Variants in ANKK1 observed in about 807,000 individuals in gnomAD.
The protein encoded by ANKK1 is ankyrin repeat and kinase domain containing 1.
ANKK1 carries 37 observed loss-of-function variants against 37.6 expected under a neutral mutation model. The ratio of observed to expected loss-of-function variants is 0.98; its 90% CI spans 0.76 to 1.29. The LOEUF (loss-of-function observed/expected upper bound fraction) is 1.29, where lower values mean the gene tolerates loss of function less well. Ranked by LOEUF, ANKK1 falls within the 50% of genes most tolerant of loss-of-function variation. The pLI, the probability that ANKK1 is intolerant of heterozygous loss-of-function variation, is 0.00. For synonymous variants in ANKK1, 415 were observed against 418.7 expected, an observed-to-expected ratio of 0.99 and a Z score of 0.11; for missense variants, 1,019 against 990.6, an observed-to-expected ratio of 1.03 and a Z score of -0.39.
rs911729833 is a variant in ANKK1, at chr11:113,389,486, T to G, written c.185+1417T>G. Among the ~76,000 whole-genome samples the G allele has an allele frequency of 3.3e-5, 5 of 152,328 alleles. No homozygotes were observed. In the South Asian group the frequency reaches 8.3e-4, roughly 25 times the overall value. On this transcript the variant is annotated intron_variant, in intron 1 of 7. Transcript: ENST00000303941. ...AACGATGAATGCAACAGATGTGTCC[T>G]TTCTCTCCGGGAGATTGCAGCCTAG...
chr11:113,389,448 A>G (rs560430939), intron 1 of ANKK1, among the ~76,000 whole-genome samples: 2 of 152,298 alleles, frequency 1.3e-5, no homozygotes, highest in African/African-American at 4.8e-5. Context: ...GCACTGTTCT[A>G]CACCCTGGGA....
chr11:113,398,332 A>G (rs1022003563), intron 7 of ANKK1, among the ~76,000 whole-genome samples: 1 of 151,744 alleles, frequency 6.6e-6, no homozygotes, highest in African/African-American at 2.4e-5. Flanking sequence ...AAAAAAAAAA[A>G]AAGCTTTGCC....
chr11:113,390,972 G>C (rs1415652831), intron 1 of ANKK1, among the ~76,000 whole-genome samples: 1 of 152,216 alleles, frequency 6.6e-6, no homozygotes, highest in African/African-American at 2.4e-5. Flanking sequence ...AAATGGGTTG[G>C]TCTAAAAATA....
At chr11:113,392,746 T>C (rs1305313983) in intron 1 of ANKK1, among the ~76,000 whole-genome samples, 1 of 152,256 alleles carries the variant, frequency 6.6e-6, no homozygotes, top group African/African-American at 2.4e-5. Flanking sequence ...GTGCAATGCA[T>C]GGCAATGCAC....
chr11:113,395,058 G>C lies in ANKK1; in HGVS notation c.610G>C (p.Gly204Arg). The C allele has an allele frequency of 6.2e-7, 1 of 1,612,026 alleles. No individual in the cohort carries two copies. Among genetic ancestry groups the C allele is most frequent in the South Asian group, 1.1e-5 (1 of 90,546 alleles). Residue 204 changes from glycine to arginine, a missense_variant, in exon 3 of 8, where the codon GGA becomes CGA. By Grantham distance (125) the Gly-to-Arg change is moderately radical (BLOSUM62 -2). Coordinates refer to ENST00000303941, the MANE Select transcript of ANKK1 (RefSeq NM_178510.2). Reference sequence around the variant, plus strand: ...GTTCCTGGAGAGTAACAAGGCCCCAGGACCTAAATATGATGTGTACAGGTG... The same window carrying C: ...GTTCCTGGAGAGTAACAAGGCCCCACGACCTAAATATGATGTGTACAGGTG... ...EMFLESNKAP[G>R]PKYDVYSFAI...
At chr11:113,390,808 A>C (rs564909724) in intron 1 of ANKK1, among the ~76,000 whole-genome samples, 9 of 152,230 alleles carry the variant, frequency 5.9e-5, no homozygotes, top group Non-Finnish European at 1.2e-4. Flanking sequence ...CGTGAAAAAA[A>C]CAAAGTCCTT....
In ANKK1 at chr11:113,399,123, A is replaced by G. The variant is rs1415538523; in HGVS notation, c.1154A>G (p.Glu385Gly). The G allele has an allele frequency of 1.3e-6, 2 of 1,593,994 alleles. No homozygotes were observed. Among genetic ancestry groups the G allele is most frequent in the South Asian group, 2.3e-5 (2 of 87,366 alleles). The change falls in exon 8 of 8, where the codon GAG (glutamate) becomes GGG (glycine). Residue 385 changes from glutamate (E) to glycine (G), a missense_variant. Coordinates refer to ENST00000303941, the MANE Select transcript of ANKK1 (RefSeq NM_178510.2). ...CAGGTGAGGTTGCTGCTGGCCCACG[A>G]GGTAGACGTGGACTGCCAGACGGCC... ...VEQVRLLLAH[E>G]VDVDCQTASG...
At position 113,388,031 on chromosome 11, in the gene ANKK1, C is replaced by A; in HGVS notation, c.147C>A (p.Ala49=). 1 of 1,544,678 alleles carries A rather than the reference C, an allele frequency of 6.5e-7. No individual in the cohort carries two copies. The highest frequency in any genetic ancestry group is 1.8e-5 in the Admixed American group (1 of 55,184). The change falls in exon 1 of 8, where the codon GCC becomes GCA. Residue 49 remains alanine (A), a synonymous_variant. Coordinates refer to ENST00000303941, the MANE Select transcript of ANKK1 (RefSeq NM_178510.2). ...ACAGGCGCTGGCGGACGGAGTACGC[C>A]ATCAAGTGCGCCCCCTGCCTTCCAC... ...ARHRRWRTEY[A]IKCAPCLPPD... is the part of the protein sequence containing the mutation.
At chr11:113,395,917 G>C in intron 4 of ANKK1, 150 bp from the exon 5 acceptor site, 1 of 908,048 alleles carries the variant, frequency 1.1e-6, no homozygotes, top group Non-Finnish European at 1.6e-6. Context: ...CCTCAAGTTG[G>C]TTGAAAGTCT....
Position 113,399,352 on chromosome 11 carries a change from G to A in ANKK1, c.1383G>A (p.Gly461=), listed in dbSNP as rs538752260. ...GACVDAQERE[G]WTPLHLAAQN... ...GTGTGGATGCCCAGGAACGTGAAGG[G>A]TGGACCCCTCTTCACCTGGCTGCAC... The change falls in exon 8 of 8, where the codon GGG becomes GGA. Residue 461 remains glycine (G), a synonymous_variant. Coordinates refer to ENST00000303941, the MANE Select transcript of ANKK1 (RefSeq NM_178510.2). The A allele has an allele frequency of 3.7e-6, 6 of 1,600,896 alleles. No individual in the cohort carries two copies. The African/African-American group carries it at 6.7e-5, about 18-fold the overall frequency.
Position 113,387,951 on chromosome 11 carries a change from G to A in ANKK1, c.67G>A (p.Gly23Ser), listed in dbSNP as rs1221272474. Residue 23 changes from glycine to serine, a missense_variant, in exon 1 of 8, where the codon GGC (glycine) becomes AGC (serine). Coordinates refer to ENST00000303941, the MANE Select transcript of ANKK1 (RefSeq NM_178510.2). ...LPVFTRDDFE[G>S]DWRLVASGGF... ...CGTCTTCACCCGCGACGACTTCGAG[G>A]GCGACTGGCGCCTAGTGGCCAGCGG... 1.0e-5 allele frequency: 16 copies of A among 1,574,106 alleles called. No individual in the cohort carries two copies. Among genetic ancestry groups the A allele is most frequent in the Non-Finnish European group, 1.4e-5 (16 of 1,166,482 alleles).
chr11:113,397,142 A>C, intron 5 of ANKK1, 82 bp from the exon 6 acceptor site: 7 of 1,129,100 alleles, frequency 6.2e-6, no homozygotes, highest in Non-Finnish European at 7.6e-6. Flanking sequence ...GGAGACAGGA[A>C]TGTTAGGGTA....
At chr11:113,395,533 C>A in intron 4 of ANKK1, 125 bp downstream of exon 4, 1 of 987,308 alleles carries the variant, frequency 1.0e-6, no homozygotes, top group Non-Finnish European at 1.6e-6. Context: ...GAACTGTATT[C>A]TCTTCAGGGA....
intron 7 of ANKK1, 79 bp from the exon 8 acceptor site, chr11:113,398,885 C>A: frequency 7.6e-7 from 1 of 1,318,992 alleles, no homozygotes. Flanking sequence ...ATGGTACTTC[C>A]AGGAGGCAGG....
intron 5 of ANKK1, 71 bp from the exon 6 acceptor site, chr11:113,397,153 T>C: frequency 8.0e-7 from 1 of 1,249,208 alleles, no homozygotes; most frequent in Non-Finnish European, 1.1e-6. Context: ...TGTTAGGGTA[T>C]CTAAAACAGG....
At chr11:113,398,197 C>T (rs1950654969) in intron 7 of ANKK1, among the ~76,000 whole-genome samples, 181 bp downstream of exon 7, 1 of 151,988 alleles carries the variant, frequency 6.6e-6, no homozygotes, top group Non-Finnish European at 1.5e-5. Flanking sequence ...CCTCAGGGAG[C>T]CTGGCTGCCT....
intron 1 of ANKK1, among the ~76,000 whole-genome samples, chr11:113,390,900 T>C (rs1280186336): frequency 6.6e-6 from 1 of 152,240 alleles, no homozygotes; most frequent in Non-Finnish European, 1.5e-5. Flanking sequence ...ATAGCACTCA[T>C]GACCACCTGA....
In ANKK1 at chr11:113,398,990, C is replaced by T. The variant is rs752607191; in HGVS notation, c.1021C>T (p.Leu341Phe). The T allele has an allele frequency of 2.0e-5, 31 of 1,587,730 alleles. No individual in the cohort carries two copies. In the South Asian group the frequency reaches 3.5e-4, roughly 18 times the overall value. The change falls in exon 8 of 8, where the codon CTT becomes TTT. Residue 341 changes from leucine to phenylalanine, a missense_variant. Physicochemically the swap from Leu to Phe is conservative, Grantham distance 22 (BLOSUM62 0). Transcript: ENST00000303941. ...CTCAGGAAACTACCTGAAGCGGGCC[C>T]TTCAGCTCTCCGACCGTAAGAATTT... is the stretch of plus-strand genomic sequence containing the variant. ...SDSGNYLKRA[L>F]QLSDRKNLVP...
In ANKK1 at chr11:113,393,467, C is replaced by T. The variant is rs1345208111; in HGVS notation, c.186-14C>T. On this transcript the variant is annotated splice_polypyrimidine_tract_variant and intron_variant, in intron 1 of 7. Transcript: ENST00000303941. ...GGGTCACCCCCTTCCATATCTTGCT[C>T]CCCCTCTCCATAGCTCTGATGTGAA... is the stretch of plus-strand genomic sequence containing the variant. The T allele has an allele frequency of 6.2e-7, 1 of 1,601,448 alleles. No homozygotes were observed. Among genetic ancestry groups the T allele is most frequent in the African/African-American group, 1.3e-5 (1 of 74,698 alleles).
Sources: allele counts gnomAD v4.1 joint callset (sites outside exome capture counted in the v4.1 genomes callset), GRCh38; gene constraint gnomAD v4.1.1; transcripts MANE v1.5; gene names NCBI Gene and HGNC (gene_info 2026-07-23, HGNC 2026-07-21).